Variants in CNTN4 observed in about 807,000 individuals in gnomAD.
CNTN4 encodes the protein contactin-4.
Under a neutral mutation model 122.5 loss-of-function variants are expected in CNTN4, and 77 were observed. That is an observed-to-expected ratio of 0.63 (90% CI 0.52 to 0.76). The LOEUF is 0.76. Ranked by LOEUF, CNTN4 falls within the 30% of genes least tolerant of loss-of-function variation. The probability of loss-of-function intolerance (pLI) is 0.00; values close to 1 mark genes in which losing one functional copy is unlikely to be tolerated. For missense variants in CNTN4, 1,256 were observed against 1,259.1 expected (o/e 1.00, Z 0.04); for synonymous variants, 512 against 447.0 (o/e 1.15, Z -1.83).
chr3:2,237,673 C>T (rs1451550139), intron 2 of CNTN4, among the ~76,000 whole-genome samples: 1 of 150,772 alleles, frequency 6.6e-6, no homozygotes, highest in East Asian at 1.9e-4. Flanking sequence ...TATTTTATTT[C>T]TGGTCTAAAA....
chr3:2,969,971 C>A (rs1468206638), intron 13 of CNTN4, among the ~76,000 whole-genome samples: 1 of 152,036 alleles, frequency 6.6e-6, no homozygotes, highest in Non-Finnish European at 1.5e-5. Flanking sequence ...AGACAGTTGA[C>A]CCTTGAACAA....
rs76424133 is a variant in CNTN4, at chr3:2,151,356, G to A, written c.-145+50717G>A. On this transcript the variant is annotated intron_variant, in intron 2 of 24. Coordinates refer to ENST00000418658, the MANE Select transcript of CNTN4 (RefSeq NM_175607.3). ...GTGGACAGAGATTTGAATGCTGACA[G>A]GGAGGCAGCTAAGAGACTCTCTGAA... is the stretch of plus-strand genomic sequence containing the variant. Among the ~76,000 whole-genome samples the A allele has an allele frequency of 3.9e-3, 596 of 152,314 alleles. 2 individuals carry two copies. The highest frequency in any genetic ancestry group is 8.6e-3 in the Admixed American group (132 of 15,304).
At chr3:2,101,404 TTGTTA>T (rs2031943181) in intron 2 of CNTN4, among the ~76,000 whole-genome samples, 3 of 152,236 alleles carry the variant, frequency 2.0e-5, no homozygotes, top group Admixed American at 2.0e-4. Flanking sequence ...TGTTTCTTCT[TTGTTA>T]TATTTGAGGA....
At chr3:2,223,073 C>G (rs1173291384) in intron 2 of CNTN4, among the ~76,000 whole-genome samples, 1 of 152,160 alleles carries the variant, frequency 6.6e-6, no homozygotes, top group Non-Finnish European at 1.5e-5. Context: ...ACCTTAGCTG[C>G]AAAATCAGGT....
intron 14 of CNTN4, among the ~76,000 whole-genome samples, chr3:2,991,601 G>A (rs763324546): frequency 4.6e-5 from 7 of 152,088 alleles, no homozygotes; most frequent in Non-Finnish European, 1.0e-4. Context: ...TGGGAAGTAC[G>A]TGTGTCTGCA....
chr3:2,707,748 A>G (rs1357730867), intron 4 of CNTN4, among the ~76,000 whole-genome samples: 1 of 151,954 alleles, frequency 6.6e-6, no homozygotes, highest in Non-Finnish European at 1.5e-5. Flanking sequence ...GGCTCAAGTG[A>G]TCCTCCCCCT....
chr3:2,529,783 G>A (rs1458610889), intron 3 of CNTN4, among the ~76,000 whole-genome samples: 1 of 152,070 alleles, frequency 6.6e-6, no homozygotes, highest in Non-Finnish European at 1.5e-5. Context: ...ATGAGGAGGA[G>A]GAGGAGGAGG....
At chr3:2,859,181 A>G (rs2093647759) in intron 7 of CNTN4, among the ~76,000 whole-genome samples, 1 of 152,156 alleles carries the variant, frequency 6.6e-6, no homozygotes. Flanking sequence ...TGCCTGGCTT[A>G]TTTCACTTTG....
intron 5 of CNTN4, among the ~76,000 whole-genome samples, chr3:2,741,009 T>G (rs890121422): frequency 6.6e-6 from 1 of 152,216 alleles, no homozygotes; most frequent in Admixed American, 6.5e-5. Flanking sequence ...AACAGAATTT[T>G]CATCCAAGAT....
chr3:2,533,294 C>A (rs1378927637), intron 3 of CNTN4, among the ~76,000 whole-genome samples: 1 of 151,992 alleles, frequency 6.6e-6, no homozygotes, highest in East Asian at 1.9e-4. Context: ...TCCCTCCACC[C>A]CACAACAGGC....
chr3:2,296,655 A>G (rs1458115866), intron 2 of CNTN4, among the ~76,000 whole-genome samples: 1 of 152,174 alleles, frequency 6.6e-6, no homozygotes, highest in Admixed American at 6.5e-5. Context: ...AGGCAAATAC[A>G]AAGAGCAACA....
At chr3:2,124,289 G>C (rs1295293448) in intron 2 of CNTN4, among the ~76,000 whole-genome samples, 2 of 152,084 alleles carry the variant, frequency 1.3e-5, no homozygotes, top group Non-Finnish European at 2.9e-5. Flanking sequence ...TTTTCTCAAC[G>C]GTTAGCCATG....
intron 10 of CNTN4, among the ~76,000 whole-genome samples, chr3:2,890,485 A>C (rs1280119020): frequency 6.6e-6 from 1 of 152,160 alleles, no homozygotes; most frequent in African/African-American, 2.4e-5. Context: ...GAGCTTAGAA[A>C]CCTGCTTCTT....
intron 13 of CNTN4, among the ~76,000 whole-genome samples, chr3:2,949,210 C>T (rs2094710670): frequency 6.6e-6 from 1 of 152,034 alleles, no homozygotes; most frequent in Admixed American, 6.6e-5. Context: ...CCTTCTTGTC[C>T]CATATCTCAG....
intron 6 of CNTN4, among the ~76,000 whole-genome samples, chr3:2,785,349 G>C (rs2091770539): frequency 6.6e-6 from 1 of 152,120 alleles, no homozygotes; most frequent in East Asian, 1.9e-4. Context: ...CAATATCTGA[G>C]CTCAGTAGGC....
At chr3:2,603,898 T>C (rs1285139694) in intron 4 of CNTN4, among the ~76,000 whole-genome samples, 1 of 152,188 alleles carries the variant, frequency 6.6e-6, no homozygotes, top group South Asian at 2.1e-4. Flanking sequence ...GTACTGCACG[T>C]GTGTATGTTT....
At chr3:2,578,026 C>T (rs570283604) in intron 4 of CNTN4, among the ~76,000 whole-genome samples, 1 of 152,108 alleles carries the variant, frequency 6.6e-6, no homozygotes, top group Non-Finnish European at 1.5e-5. Flanking sequence ...GGAGAAAGAT[C>T]CTGTATAATT....
intron 4 of CNTN4, among the ~76,000 whole-genome samples, chr3:2,584,697 CAAAAAAAAAAA>C (rs67755648): frequency 1.4e-5 from 1 of 73,162 alleles, no homozygotes; most frequent in African/African-American, 5.8e-5. Flanking sequence ...AACTCCGTCT[CAAAAAAAAAAA>C]AAAAAAAAAA....
chr3:2,544,225 A>G (rs1417063306), intron 3 of CNTN4, among the ~76,000 whole-genome samples: 2 of 152,088 alleles, frequency 1.3e-5, no homozygotes, highest in Non-Finnish European at 2.9e-5. Context: ...TTATTCACGC[A>G]TCAAGCTTAA....
Sources: allele counts gnomAD v4.1 joint callset (sites outside exome capture counted in the v4.1 genomes callset), GRCh38; gene constraint gnomAD v4.1.1; transcripts MANE v1.5; gene names NCBI Gene and HGNC (gene_info 2026-07-23, HGNC 2026-07-21).